The following CPNE4 variants were observed in gnomAD, a reference collection of about 807,000 sequenced individuals.
The protein encoded by CPNE4 is copine 4.
In CPNE4, 25 loss-of-function variants were observed where a neutral mutation model predicts 67.9. That is an observed-to-expected ratio of 0.37 (90% CI 0.27 to 0.51). The LOEUF is 0.51. CPNE4 is among the 20% of genes least tolerant of loss of function. The pLI is 0.93. For missense variants in CPNE4, 464 were observed against 690.8 expected (o/e 0.67, Z 3.68); for synonymous variants, 242 against 244.9 (o/e 0.99, Z 0.11).
intron 2 of CPNE4, among the ~76,000 whole-genome samples, chr3:131,818,347 T>C (rs772836654): frequency 1.3e-5 from 2 of 152,302 alleles, no homozygotes; most frequent in East Asian, 3.9e-4. Flanking sequence ...AGTGGAGTCA[T>C]CTTAACATTA....
At chr3:131,913,575 A>G (rs1478854093) in intron 1 of CPNE4, among the ~76,000 whole-genome samples, 1 of 152,210 alleles carries the variant, frequency 6.6e-6, no homozygotes, top group Non-Finnish European at 1.5e-5. Flanking sequence ...CAAACTGTGC[A>G]CTTGTCTATC....
chr3:132,025,864 C>T (rs998376914), intron 1 of CPNE4, among the ~76,000 whole-genome samples: 2 of 152,184 alleles, frequency 1.3e-5, no homozygotes, highest in Non-Finnish European at 2.9e-5. Context: ...TACCTACATA[C>T]AACACACAGA....
At chr3:131,862,435 A>C (rs1270748674) in intron 2 of CPNE4, among the ~76,000 whole-genome samples, 4 of 152,094 alleles carry the variant, frequency 2.6e-5, no homozygotes, top group Non-Finnish European at 4.4e-5. Flanking sequence ...CTATTTTCAA[A>C]ATATCCTACC....
chr3:131,726,386 T>G (rs1167878148), intron 2 of CPNE4, among the ~76,000 whole-genome samples: 1 of 152,086 alleles, frequency 6.6e-6, no homozygotes, highest in Non-Finnish European at 1.5e-5. Flanking sequence ...AGACATTAAG[T>G]GATAAACATT....
chr3:131,632,353 T>C (rs1021301464), intron 7 of CPNE4, among the ~76,000 whole-genome samples: 1 of 152,152 alleles, frequency 6.6e-6, no homozygotes, highest in Admixed American at 6.5e-5. Flanking sequence ...AGTAGATTAT[T>C]ACCTTCAGCT....
chr3:131,565,889 T>C (rs1937031205), intron 10 of CPNE4, among the ~76,000 whole-genome samples: 1 of 151,790 alleles, frequency 6.6e-6, no homozygotes, highest in Non-Finnish European at 1.5e-5. Flanking sequence ...TCCCTTACTT[T>C]GGATAACAAA....
At chr3:131,944,725 T>C (rs551097919) in intron 1 of CPNE4, among the ~76,000 whole-genome samples, 2 of 130,054 alleles carry the variant, frequency 1.5e-5, no homozygotes, top group African/African-American at 5.1e-5. Context: ...TCTTAATTTT[T>C]TTACTCCTAA....
chr3:131,730,706 A>C (rs1353596937), intron 2 of CPNE4, among the ~76,000 whole-genome samples: 1 of 152,182 alleles, frequency 6.6e-6, no homozygotes, highest in African/African-American at 2.4e-5. Context: ...AGAGTGGTGC[A>C]ATCTCTTGTT....
chr3:131,699,856 T>C, intron 4 of CPNE4, 53 bp downstream of exon 4: 1 of 1,518,336 alleles, frequency 6.6e-7, no homozygotes, highest in Non-Finnish European at 9.1e-7. Context: ...GGCTGGCCAG[T>C]CCGCCCAGGC....
intron 7 of CPNE4, among the ~76,000 whole-genome samples, chr3:131,658,923 G>A (rs1025163451): frequency 1.1e-4 from 16 of 152,140 alleles, no homozygotes; most frequent in African/African-American, 3.9e-4. Flanking sequence ...TTAAAATGTG[G>A]GAGAGAAGCT....
intron 6 of CPNE4, 80 bp downstream of exon 6, chr3:131,685,795 C>A (rs751582341): frequency 5.2e-5 from 48 of 923,524 alleles, no homozygotes; most frequent in Middle Eastern, 2.2e-4. Flanking sequence ...CACACACACA[C>A]ACAAAAAGGA....
intron 1 of CPNE4, among the ~76,000 whole-genome samples, chr3:131,961,619 T>A (rs1011724184): frequency 6.6e-6 from 1 of 152,230 alleles, no homozygotes; most frequent in Non-Finnish European, 1.5e-5. Flanking sequence ...AAGCATGTTC[T>A]GTTTCTCTGA....
At chr3:131,792,646 T>TATACATATATACACAC (rs1241049116) in intron 2 of CPNE4, among the ~76,000 whole-genome samples, 3 of 72,920 alleles carry the variant, frequency 4.1e-5, no homozygotes, top group African/African-American at 1.0e-4. Context: ...CGTGTATATA[T>TATACATATATACACAC]GTATATATAC....
intron 7 of CPNE4, among the ~76,000 whole-genome samples, chr3:131,627,977 A>G (rs1050643202): frequency 6.6e-6 from 1 of 152,264 alleles, no homozygotes; most frequent in African/African-American, 2.4e-5. Context: ...AAATTAGTTG[A>G]TAAAGCAGTG....
Position 131,633,891 on chromosome 3 carries a change from T to C in CPNE4, c.681+35784A>G, listed in dbSNP as rs1486584928. On this transcript the variant is annotated intron_variant, in intron 7 of 15. Coordinates refer to ENST00000429747, the MANE Select transcript of CPNE4 (RefSeq NM_130808.3). The stretch of plus-strand genomic sequence containing the variant: ...AATCATTGTTTTATAATATTATTTG[T>C]AAAGGCTGAAGAGGATTACATTATT... Among the ~76,000 whole-genome samples the C allele has an allele frequency of 3.3e-5, 5 of 152,300 alleles. No individual in the cohort carries two copies. The East Asian group carries it at 7.7e-4, about 23-fold the overall frequency.
intron 2 of CPNE4, among the ~76,000 whole-genome samples, chr3:131,744,068 T>A (rs2082426421): frequency 6.6e-6 from 1 of 150,626 alleles, no homozygotes; most frequent in South Asian, 2.1e-4. Flanking sequence ...AAAATTTGTT[T>A]GAATGCAATG....
intron 2 of CPNE4, among the ~76,000 whole-genome samples, chr3:131,748,405 T>C (rs915349492): frequency 2.0e-5 from 3 of 152,110 alleles, no homozygotes; most frequent in South Asian, 4.1e-4. Context: ...CTGGTCTTTT[T>C]TTTAATAATT....
chr3:131,826,660 T>C (rs534969619), intron 2 of CPNE4, among the ~76,000 whole-genome samples: 2 of 152,314 alleles, frequency 1.3e-5, no homozygotes, highest in South Asian at 4.1e-4. Flanking sequence ...TTACGTGTAT[T>C]ATAGCTCTTC....
At chr3:131,892,984 C>A (rs375494827) in intron 2 of CPNE4, among the ~76,000 whole-genome samples, 4 of 152,104 alleles carry the variant, frequency 2.6e-5, no homozygotes, top group East Asian at 1.9e-4. Flanking sequence ...CCATTATTAA[C>A]AACCTTGAAT....
Sources: gnomAD v4.1 joint callset for allele counts (sites outside exome capture counted in the v4.1 genomes callset) on GRCh38, gnomAD v4.1.1 for gene constraint, MANE v1.5 for transcripts, NCBI Gene and HGNC (gene_info 2026-07-23, HGNC 2026-07-21) for gene names.